CACNA1E: variants seen among roughly 807,000 people sequenced by gnomAD.
CACNA1E encodes calcium voltage-gated channel subunit alpha1 E.
In CACNA1E, 40 loss-of-function variants were observed where a neutral mutation model predicts 259.2. The observed-to-expected ratio is 0.15, with a 90% CI of 0.12 to 0.20. The LOEUF is 0.20. Ranked by LOEUF, CACNA1E falls within the 10% of genes least tolerant of loss-of-function variation. CACNA1E has a pLI of 1.00. For missense variants in CACNA1E, 1,874 were observed against 3,040.1 expected, an observed-to-expected ratio of 0.62 and a Z score of 9.02; for synonymous variants, 1,104 against 1,138.5, an observed-to-expected ratio of 0.97 and a Z score of 0.61.
rs201925326 is a variant in CACNA1E at position 181,535,704 on chromosome 1, TC to T, written c.512+24195del. Among the ~76,000 whole-genome samples the T allele has an allele frequency of 5.7e-4, 85 of 149,858 alleles. 6 individuals carry two copies. The highest frequency in any genetic ancestry group is 1.0e-3 in the Admixed American group (15 of 14,992). ...ATGATTATTTCTTTTTTTTTTTTTTTCGAGACAGATTCTCTCTCTGTTGCCC... is the reference window on the plus strand; with the variant it reads ...ATGATTATTTCTTTTTTTTTTTTTTTGAGACAGATTCTCTCTCTGTTGCCC... On this transcript the variant is annotated intron_variant, in intron 3 of 47. Transcript: ENST00000367573.
chr1:181,795,509 C>T (rs1228641451), intron 46 of CACNA1E, among the ~76,000 whole-genome samples: 3 of 149,742 alleles, frequency 2.0e-5, no homozygotes, highest in African/African-American at 7.4e-5. Context: ...GGTGTGATCT[C>T]GGCTCACTGC....
intron 2 of CACNA1E, among the ~76,000 whole-genome samples, chr1:181,469,625 C>G (rs763721945): frequency 3.3e-5 from 5 of 152,066 alleles, no homozygotes; most frequent in Non-Finnish European, 7.4e-5. Flanking sequence ...TTGAAGCCAT[C>G]CATATGGATG....
At chr1:181,720,131 G>A in intron 13 of CACNA1E, 75 bp from the exon 14 acceptor site, 2 of 1,534,594 alleles carry the variant, frequency 1.3e-6, no homozygotes, top group South Asian at 1.1e-5. Context: ...AGACTACCAG[G>A]CATATGCTGA....
chr1:181,591,873 CAT>C (rs756813764), intron 6 of CACNA1E, among the ~76,000 whole-genome samples: 21 of 152,210 alleles, frequency 1.4e-4, no homozygotes, highest in African/African-American at 3.6e-4. Flanking sequence ...ACATAGCACT[CAT>C]GTGAGAAATT....
At chr1:181,781,355 C>A in intron 38 of CACNA1E, 72 bp from the exon 39 acceptor site, 1 of 739,448 alleles carries the variant, frequency 1.4e-6, no homozygotes, top group South Asian at 1.5e-5. Context: ...CTCCCCACTT[C>A]CTTCTCCTTT....
intron 1 of CACNA1E, among the ~76,000 whole-genome samples, chr1:181,349,985 C>A (rs577620893): frequency 2.6e-5 from 4 of 152,264 alleles, no homozygotes; most frequent in East Asian, 3.9e-4. Context: ...GGGTAAAGAA[C>A]CTCGCCTCCT....
intron 1 of CACNA1E, among the ~76,000 whole-genome samples, chr1:181,359,851 T>C (rs1254671160): frequency 6.6e-6 from 1 of 152,234 alleles, no homozygotes; most frequent in Non-Finnish European, 1.5e-5. Context: ...AAACTTAACC[T>C]CACTGAATTT....
At chr1:181,525,102 A>G (rs1357917555) in intron 3 of CACNA1E, among the ~76,000 whole-genome samples, 1 of 152,184 alleles carries the variant, frequency 6.6e-6, no homozygotes, top group Non-Finnish European at 1.5e-5. Flanking sequence ...GATAGTATAT[A>G]TAGGTAGATG....
rs1660802505 is a variant in CACNA1E at position 181,785,794 on chromosome 1, C to G, written c.5761C>G (p.Leu1921Val). The change falls in exon 43 of 48, where the codon CTC becomes GTC. Residue 1921 changes from leucine (L) to valine (V), a missense_variant. Physicochemically the swap from Leu to Val is conservative, Grantham distance 32. This residue lies in a region of CACNA1E where 542 missense variants were observed against 587.2 expected (regional missense o/e 0.92). Coordinates refer to ENST00000367573, the MANE Select transcript of CACNA1E (RefSeq NM_001205293.3). ...TGCTAATGCCAAAGCCCTGCCTTACCTCCAGCAGGACCCCGTTTCAGGCCT... is the reference window on the plus strand; with the variant it reads ...TGCTAATGCCAAAGCCCTGCCTTACGTCCAGCAGGACCCCGTTTCAGGCCT... ...IIANAKALPYLQQDPVSGLSG... is the reference protein window; with the variant it reads ...IIANAKALPYVQQDPVSGLSG... 1 of 1,610,462 alleles carries G rather than the reference C, an allele frequency of 6.2e-7. No individual in the cohort carries two copies. Among genetic ancestry groups the G allele is most frequent in the African/African-American group, 1.3e-5 (1 of 74,652 alleles).
chr1:181,770,193 A>C (rs143743683), intron 35 of CACNA1E, among the ~76,000 whole-genome samples: 1 of 152,254 alleles, frequency 6.6e-6, no homozygotes, highest in South Asian at 2.1e-4. Flanking sequence ...AAACTGAAGC[A>C]TGTTCAATGC....
intron 3 of CACNA1E, among the ~76,000 whole-genome samples, chr1:181,513,654 A>G (rs1212357503): frequency 6.6e-6 from 1 of 152,188 alleles, no homozygotes; most frequent in Non-Finnish European, 1.5e-5. Flanking sequence ...GCATGAGAGA[A>G]GACTTCCAGT....
At chr1:181,608,777 G>C (rs576496771) in intron 6 of CACNA1E, among the ~76,000 whole-genome samples, 1 of 152,182 alleles carries the variant, frequency 6.6e-6, no homozygotes, top group African/African-American at 2.4e-5. Context: ...GTGCTTTTCT[G>C]TTCTTTTCCT....
intron 2 of CACNA1E, among the ~76,000 whole-genome samples, chr1:181,429,182 A>T (rs899957120): frequency 4.0e-5 from 6 of 151,838 alleles, no homozygotes; most frequent in African/African-American, 1.5e-4. Context: ...ATTCCATCTT[A>T]AAAAAAACAA....
chr1:181,515,351 G>C (rs1209729367), intron 3 of CACNA1E, among the ~76,000 whole-genome samples: 1 of 152,250 alleles, frequency 6.6e-6, no homozygotes, highest in Non-Finnish European at 1.5e-5. Context: ...AGCATGGTTT[G>C]ATGTGTAGAG....
At chr1:181,554,651 C>A (rs1030455768) in intron 3 of CACNA1E, among the ~76,000 whole-genome samples, 2 of 152,224 alleles carry the variant, frequency 1.3e-5, no homozygotes, top group African/African-American at 4.8e-5. Context: ...AAGCTTGTCC[C>A]ATGCACTGTT....
chr1:181,759,724 G>A (rs543981776), intron 32 of CACNA1E, among the ~76,000 whole-genome samples: 8 of 152,312 alleles, frequency 5.3e-5, no homozygotes, highest in Non-Finnish European at 1.2e-4. Context: ...TAGGACGTGA[G>A]CTACCATTTC....
Position 181,796,686 on chromosome 1 carries a change from A to G in CACNA1E, c.6227A>G (p.His2076Arg). 6.2e-7 allele frequency: 1 copy of G among 1,602,128 alleles called. No individual in the cohort carries two copies. Among genetic ancestry groups the G allele is most frequent in the Non-Finnish European group, 8.5e-7 (1 of 1,171,852 alleles). The part of the protein sequence containing the change: ...NSDSGHKSDT[H>R]RSGGRERGRS... Reference sequence around the variant, plus strand: ...CTCACAGGCCACAAGTCTGACACTCACCGCTCAGGGGGCAGGGAGCGGGGA... The same window carrying G: ...CTCACAGGCCACAAGTCTGACACTCGCCGCTCAGGGGGCAGGGAGCGGGGA... Residue 2076 changes from histidine (H) to arginine (R), a missense_variant, in exon 47 of 48, where the codon CAC becomes CGC. His to Arg is a conservative substitution (Grantham distance 29). This residue lies in a region of CACNA1E where 542 missense variants were observed against 587.2 expected (regional missense o/e 0.92). Transcript: ENST00000367573.
Position 181,806,865 on chromosome 1 carries a change from G to C in CACNA1E, c.*8031G>C, listed in dbSNP as rs1486270707. On this transcript the variant is annotated 3_prime_UTR_variant, in exon 48 of 48. Transcript: ENST00000367573. The stretch of plus-strand genomic sequence containing the variant: ...AAATCATGGGAGTGAAGCCTGCCAG[G>C]ACCCTCAGGGTAAGCTGGCAGCAGG... 2.0e-5 allele frequency: 3 copies of C among 152,146 alleles called. No homozygotes were observed. The highest frequency in any genetic ancestry group is 4.4e-5 in the Non-Finnish European group (3 of 68,018). The allele number at this position is 152,146 out of a possible 1,614,324, so 9.4% of individuals were successfully genotyped here. A position where few individuals can be genotyped will look rare whatever the true frequency, so the allele number is the denominator to read the frequency against.
intron 1 of CACNA1E, among the ~76,000 whole-genome samples, chr1:181,365,917 T>A (rs1654237421): frequency 6.6e-6 from 1 of 152,204 alleles, no homozygotes; most frequent in South Asian, 2.1e-4. Flanking sequence ...AGATGTACTG[T>A]GCAAACTGGC....
Sources: gnomAD v4.1 joint callset for allele counts (sites outside exome capture counted in the v4.1 genomes callset) on GRCh38, gnomAD v4.1.1 for gene constraint, gnomAD v4.1.1 regional missense constraint, MANE v1.5 for transcripts, NCBI Gene and HGNC (gene_info 2026-07-23, HGNC 2026-07-21) for gene names.